DOCK4: variants seen among roughly 807,000 people sequenced by gnomAD.
DOCK4 encodes dedicator of cytokinesis protein 4.
A neutral mutation model predicts 268.1 loss-of-function variants in DOCK4; 97 were observed. That is an observed-to-expected ratio of 0.36 (90% CI 0.31 to 0.43). The LOEUF (loss-of-function observed/expected upper bound fraction) is 0.43. Ranked by LOEUF, DOCK4 falls within the 20% of genes least tolerant of loss-of-function variation. DOCK4 has a pLI of 1.00. For missense variants in DOCK4, 2,145 were observed against 2,455.7 expected, an observed-to-expected ratio of 0.87 and a Z score of 2.67; for synonymous variants, 954 against 887.2, an observed-to-expected ratio of 1.08 and a Z score of -1.34.
Position 111,762,747 on chromosome 7 carries a change from A to ATTTTG in DOCK4, c.4020+2366_4020+2370dup, listed in dbSNP as rs1193828531. Among the ~76,000 whole-genome samples the ATTTTG allele has an allele frequency of 7.8e-3, 611 of 78,680 alleles. 6 individuals carry two copies. Among genetic ancestry groups the ATTTTG allele is most frequent in the African/African-American group, 0.027 (558 of 20,774 alleles). The allele number at this position is 78,680 out of a possible 152,430, so 51.6% of individuals were successfully genotyped here. On this transcript the variant is annotated intron_variant, in intron 39 of 52. Coordinates refer to ENST00000428084, the MANE Select transcript of DOCK4 (RefSeq NM_001363540.2). ...TGCGTTAATATTCTTTAAATAACCC[A>ATTTTG]TTTTGTTTTGTTTTCTTTTTTTTTT...
chr7:111,952,112 C>T lies in DOCK4; in HGVS notation c.702-6314G>A, dbSNP rs148177489. 5.0e-3 allele frequency among the ~76,000 whole-genome samples: 744 copies of T among 149,546 alleles called. 6 individuals are homozygous for T. The highest frequency in any genetic ancestry group is 0.017 in the African/African-American group (698 of 40,836). On this transcript the variant is annotated intron_variant, in intron 8 of 52. Transcript: ENST00000428084. ...GTCTGCGAAAAAAAAAAAAAATCAACCAAATAAATGAATAAACAAACAAAA... is the reference window on the plus strand; with the variant it reads ...GTCTGCGAAAAAAAAAAAAAATCAATCAAATAAATGAATAAACAAACAAAA...
intron 25 of DOCK4, among the ~76,000 whole-genome samples, chr7:111,837,600 C>T (rs1563571537): frequency 6.6e-6 from 1 of 152,044 alleles, no homozygotes; most frequent in Non-Finnish European, 1.5e-5. Context: ...TACTTCTACA[C>T]ACTAAAAATG....
At chr7:112,073,715 A>T (rs527460832) in intron 1 of DOCK4, among the ~76,000 whole-genome samples, 3 of 152,242 alleles carry the variant, frequency 2.0e-5, no homozygotes, top group African/African-American at 7.2e-5. Context: ...TTTTGAACAC[A>T]TGGAAGTAGA....
intron 1 of DOCK4, among the ~76,000 whole-genome samples, chr7:112,059,457 T>A (rs1388217157): frequency 6.6e-6 from 1 of 152,166 alleles, no homozygotes; most frequent in Non-Finnish European, 1.5e-5. Context: ...CCAAATTTTT[T>A]AAATGCAATG....
chr7:111,811,916 A>G lies in DOCK4; in HGVS notation c.2964T>C (p.Asp988=). 1.3e-6 allele frequency: 2 copies of G among 1,530,950 alleles called. No homozygotes were observed. Among genetic ancestry groups the G allele is most frequent in the Non-Finnish European group, 1.8e-6 (2 of 1,129,968 alleles). The allele number at this position is 1,530,950 out of a possible 1,614,324, so 94.8% of individuals were successfully genotyped here. The change falls in exon 28 of 53, where the codon GAT becomes GAC. Residue 988 remains aspartate (D), a synonymous_variant. Coordinates refer to ENST00000428084, the MANE Select transcript of DOCK4 (RefSeq NM_001363540.2). ...VIITTVLYLS[D]ALRKNFLNEN... ...CATTTAAGAAGTTCTTACGAAGTGCATCTGAGAGGTATAGAACTGTTGTAA... is the reference window on the plus strand; with the variant it reads ...CATTTAAGAAGTTCTTACGAAGTGCGTCTGAGAGGTATAGAACTGTTGTAA...
At chr7:111,742,205 C>A in intron 44 of DOCK4, 73 bp from the exon 45 acceptor site, 2 of 1,432,042 alleles carry the variant, frequency 1.4e-6, no homozygotes, top group African/African-American at 1.4e-5. Context: ...ATGGGCCGAG[C>A]ACTTTACTAC....
chr7:112,009,347 A>G (rs1316847242), intron 1 of DOCK4, among the ~76,000 whole-genome samples: 1 of 152,252 alleles, frequency 6.6e-6, no homozygotes, highest in Non-Finnish European at 1.5e-5. Context: ...TGCTTACAAC[A>G]CAGAACACAC....
chr7:111,796,085 C>T (rs1030648108), intron 30 of DOCK4, among the ~76,000 whole-genome samples: 2 of 152,146 alleles, frequency 1.3e-5, no homozygotes, highest in African/African-American at 4.8e-5. Context: ...TTTAGCTGCA[C>T]CCTGGGGCAT....
intron 25 of DOCK4, among the ~76,000 whole-genome samples, chr7:111,844,029 C>A (rs770476469): frequency 2.7e-4 from 41 of 152,174 alleles, no homozygotes; most frequent in Admixed American, 2.6e-3. Flanking sequence ...AATCCCAATA[C>A]TTTGGGAGGC....
intron 40 of DOCK4, among the ~76,000 whole-genome samples, chr7:111,759,536 GT>G (rs1797246622): frequency 6.6e-6 from 1 of 152,166 alleles, no homozygotes; most frequent in Non-Finnish European, 1.5e-5. Context: ...GTCAGTGGAA[GT>G]TTTAAAAGTG....
intron 51 of DOCK4, among the ~76,000 whole-genome samples, chr7:111,733,058 T>C (rs1795212341): frequency 6.6e-6 from 1 of 152,228 alleles, no homozygotes; most frequent in African/African-American, 2.4e-5. Context: ...AAGGCTGGCG[T>C]GACACAGTCA....
rs1183672033 is a variant in DOCK4, at chr7:111,934,523, G to GT, written c.1066+1016dup. On this transcript the variant is annotated intron_variant, in intron 12 of 52. Coordinates refer to ENST00000428084, the MANE Select transcript of DOCK4 (RefSeq NM_001363540.2). ...GCGAAGCATGTTTTGTTTTGTTTTT[G>GT]TTTTTTTTTTTTTTTTTTTTTTTTT... 8.6e-3 allele frequency among the ~76,000 whole-genome samples: 719 copies of GT among 83,842 alleles called. 6 individuals are homozygous for GT. Among genetic ancestry groups the GT allele is most frequent in the Non-Finnish European group, 0.011 (426 of 37,670 alleles). 55.0% of individuals were successfully genotyped at this position (83,842 alleles called of 152,430 possible). A position where few individuals can be genotyped will look rare whatever the true frequency, so the allele number is the denominator to read the frequency against.
intron 27 of DOCK4, among the ~76,000 whole-genome samples, chr7:111,812,902 A>G (rs1801245680): frequency 6.6e-6 from 1 of 152,228 alleles, no homozygotes; most frequent in Non-Finnish European, 1.5e-5. Context: ...AGCCTGACCA[A>G]TACAGCCATA....
chr7:111,796,090 G>A (rs1241670547), intron 30 of DOCK4, among the ~76,000 whole-genome samples: 2 of 152,038 alleles, frequency 1.3e-5, no homozygotes, highest in Admixed American at 1.3e-4. Flanking sequence ...CTGCACCCTG[G>A]GGCATCTGGG....
Position 111,943,291 on chromosome 7 carries a change from G to A in DOCK4, c.844+1520C>T, listed in dbSNP as rs572748229. ...AGCATTTGAAAGGCTGCCCTGTGAT[G>A]GGCAGTACTACTGAGGCGGCTTCCT... On this transcript the variant is annotated intron_variant, in intron 10 of 52. Transcript: ENST00000428084. Among the ~76,000 whole-genome samples, 13 of 152,282 alleles carry A rather than the reference G, an allele frequency of 8.5e-5. 1 individual carries two copies. Among genetic ancestry groups the A allele is most frequent in the African/African-American group, 2.9e-4 (12 of 41,548 alleles).
At chr7:111,822,548 C>T in intron 26 of DOCK4, 92 bp from the exon 27 acceptor site, 2 of 1,112,084 alleles carry the variant, frequency 1.8e-6, no homozygotes, top group Non-Finnish European at 1.3e-6. Flanking sequence ...TGTACTGTTA[C>T]CATTTCCAAA....
intron 31 of DOCK4, 106 bp from the exon 32 acceptor site, chr7:111,788,853 T>C (rs946608377): frequency 4.8e-6 from 5 of 1,031,474 alleles, no homozygotes; most frequent in Admixed American, 2.0e-5. Flanking sequence ...ATGGTAAATT[T>C]TGTGAAAGTG....
chr7:111,960,449 A>G (rs1171254959), intron 8 of DOCK4, among the ~76,000 whole-genome samples: 1 of 151,198 alleles, frequency 6.6e-6, no homozygotes, highest in Admixed American at 6.6e-5. Flanking sequence ...GTTGTTTTGA[A>G]ATACGTATAC....
intron 8 of DOCK4, among the ~76,000 whole-genome samples, chr7:111,949,086 T>G (rs1021073437): frequency 2.6e-5 from 4 of 152,198 alleles, no homozygotes; most frequent in African/African-American, 9.6e-5. Flanking sequence ...GATTACATTT[T>G]AGCACAAAAC....
Sources: gnomAD v4.1 joint callset for allele counts (sites outside exome capture counted in the v4.1 genomes callset) on GRCh38, gnomAD v4.1.1 for gene constraint, MANE v1.5 for transcripts, NCBI Gene and HGNC (gene_info 2026-07-23, HGNC 2026-07-21) for gene names.